Variants in DHRS3 observed in about 807,000 individuals in gnomAD.
DHRS3 encodes short-chain dehydrogenase/reductase 3.
In DHRS3, 14 loss-of-function variants were observed where a neutral mutation model predicts 27.2. The ratio of observed to expected loss-of-function variants is 0.52; its 90% confidence interval spans 0.34 to 0.81. The LOEUF (loss-of-function observed/expected upper bound fraction) is 0.81, where lower values mean the gene tolerates loss of function less well. Ranked by LOEUF, DHRS3 falls within the 30% of genes least tolerant of loss-of-function variation. The probability of loss-of-function intolerance (pLI) is 0.01; values close to 1 mark genes in which losing one functional copy is unlikely to be tolerated. For missense variants in DHRS3, 322 were observed against 406.2 expected (o/e 0.79, Z 1.78); for synonymous variants, 165 against 175.9 (o/e 0.94, Z 0.49).
At chr1:12,572,616 C>T (rs532743317) in intron 5 of DHRS3, 112 bp downstream of exon 5, 1 of 1,492,202 alleles carries the variant, frequency 6.7e-7, no homozygotes, top group South Asian at 1.2e-5. Context: ...AAGTACAGTA[C>T]ATCAGCAGCA....
At chr1:12,600,137 C>T (rs933403578) in intron 1 of DHRS3, among the ~76,000 whole-genome samples, 4 of 152,120 alleles carry the variant, frequency 2.6e-5, no homozygotes, top group Admixed American at 1.3e-4. Flanking sequence ...TGGTTGACTC[C>T]TGAACTCAAA....
chr1:12,594,330 G>A lies in DHRS3; in HGVS notation c.196-13664C>T, dbSNP rs1423352739. ...GGAATTGTGTGCACCAGGCACTTTG[G>A]AGGCCCTGGGATCCAGCGGGGAATA... On this transcript the variant is annotated intron_variant, in intron 1 of 5. Coordinates refer to ENST00000616661, the MANE Select transcript of DHRS3 (RefSeq NM_004753.7). The surrounding 1 kb of genome is among the most constrained non-coding windows in gnomAD (Gnocchi z 4.1). Among the ~76,000 whole-genome samples the A allele has an allele frequency of 2.0e-5, 3 of 152,246 alleles. No homozygotes were observed. The highest frequency in any genetic ancestry group is 7.2e-5 in the African/African-American group (3 of 41,452).
At chr1:12,610,536 T>A (rs1291888870) in intron 1 of DHRS3, among the ~76,000 whole-genome samples, 1 of 152,196 alleles carries the variant, frequency 6.6e-6, no homozygotes, top group Admixed American at 6.5e-5. Context: ...ATGTGCTGAA[T>A]GTATGAATAA....
chr1:12,602,576 G>A (rs1267710208), intron 1 of DHRS3, among the ~76,000 whole-genome samples: 2 of 152,212 alleles, frequency 1.3e-5, no homozygotes, highest in Non-Finnish European at 2.9e-5. Context: ...TGCAGAAGGA[G>A]AAGGGCTGGA....
rs539459044 is a variant in DHRS3 at position 12,580,308 on chromosome 1, A to G, written c.339+215T>C. The stretch of plus-strand genomic sequence containing the variant: ...GAAACCCACACGGTCTACATTTCCA[A>G]GGGAACAACAGATGATTACGCCTGT... On this transcript the variant is annotated intron_variant, in intron 2 of 5. Coordinates refer to ENST00000616661, the MANE Select transcript of DHRS3 (RefSeq NM_004753.7). 1.0e-3 allele frequency: 622 copies of G among 607,640 alleles called. 4 individuals are homozygous for G. The highest frequency in any genetic ancestry group is 4.6e-4 in the Non-Finnish European group (158 of 341,328). The allele number at this position is 607,640 out of a possible 1,614,324, so 37.6% of individuals were successfully genotyped here. A position where few individuals can be genotyped will look rare whatever the true frequency, so the allele number is the denominator to read the frequency against.
At position 12,578,883 on chromosome 1, in the gene DHRS3, G is replaced by A; in HGVS notation, c.533C>T (p.Ala178Val). The change falls in exon 4 of 6, where the codon GCA (alanine) becomes GTA (valine). Residue 178 changes from alanine (A) to valine (V), a missense_variant. Transcript: ENST00000616661. The surrounding 1 kb of genome is among the most constrained non-coding windows in gnomAD (Gnocchi z 4.5). ...GATGGCACCGGGGATGGCAGACAGT[G>A]CCAGCACGGAGTTGAGGCACACGAT... Reference protein sequence around the residue: ...GHIVCLNSVLALSAIPGAIDY... With the variant: ...GHIVCLNSVLVLSAIPGAIDY... 1 of 1,613,940 alleles carries A rather than the reference G, an allele frequency of 6.2e-7. No homozygotes were observed. The highest frequency in any genetic ancestry group is 8.5e-7 in the Non-Finnish European group (1 of 1,180,022).
intron 1 of DHRS3, among the ~76,000 whole-genome samples, chr1:12,612,200 G>A (rs979030154): frequency 6.6e-5 from 10 of 152,294 alleles, no homozygotes; most frequent in East Asian, 1.9e-4. Flanking sequence ...TGCACAGAGT[G>A]AGGATGGGAG....
In DHRS3 at chr1:12,594,423, C is replaced by T. The variant is rs1416952925; in HGVS notation, c.196-13757G>A. Among the ~76,000 whole-genome samples, 1 of 152,128 alleles carries T rather than the reference C, an allele frequency of 6.6e-6. No individual in the cohort carries two copies. Among genetic ancestry groups the T allele is most frequent in the Non-Finnish European group, 1.5e-5 (1 of 68,042 alleles). On this transcript the variant is annotated intron_variant, in intron 1 of 5. Transcript: ENST00000616661. The surrounding 1 kb of genome is among the most constrained non-coding windows in gnomAD (Gnocchi z 4.1). ...GACAATGAGCATGAACACTTGTTCA[C>T]GTGAACGAATGACTGTATAGTAAGT...
In DHRS3 at chr1:12,593,900, A is replaced by AGGC. The variant is rs1646766369; in HGVS notation, c.196-13235_196-13234insGCC. Reference sequence around the variant, plus strand: ...CCCACGGGCTGATGTTTCTTTTCACAAACATCCCCAGCCTACAAGACTGGC... The same window carrying AGGC: ...CCCACGGGCTGATGTTTCTTTTCACAGGCAACATCCCCAGCCTACAAGACTGGC... On this transcript the variant is annotated intron_variant, in intron 1 of 5. Coordinates refer to ENST00000616661, the MANE Select transcript of DHRS3 (RefSeq NM_004753.7). This position sits in a 1 kb window ranked among gnomAD's most constrained non-coding sequence, Gnocchi z 4.6. Among the ~76,000 whole-genome samples, 1 of 152,186 alleles carries AGGC rather than the reference A, an allele frequency of 6.6e-6. No individual in the cohort carries two copies. The highest frequency in any genetic ancestry group is 6.5e-5 in the Admixed American group (1 of 15,288).
intron 4 of DHRS3, among the ~76,000 whole-genome samples, chr1:12,576,761 G>A (rs1006910004): frequency 4.0e-5 from 6 of 151,170 alleles, no homozygotes; most frequent in African/African-American, 1.5e-4. Flanking sequence ...ATGCAAACCA[G>A]GTGGTCTGCT....
intron 1 of DHRS3, among the ~76,000 whole-genome samples, chr1:12,590,220 G>A (rs1436669816): frequency 1.3e-5 from 2 of 152,086 alleles, no homozygotes; most frequent in African/African-American, 4.8e-5. Context: ...GGTGCTGAGG[G>A]TGGGGTGGGG....
intron 4 of DHRS3, among the ~76,000 whole-genome samples, chr1:12,575,286 G>T (rs1368066024): frequency 6.6e-6 from 1 of 150,964 alleles, no homozygotes; most frequent in Non-Finnish European, 1.5e-5. Context: ...AAGATCACAT[G>T]ACTGCACTCT....
At chr1:12,568,706 G>A (rs925315951) in intron 5 of DHRS3, among the ~76,000 whole-genome samples, 22 of 151,980 alleles carry the variant, frequency 1.4e-4, no homozygotes, top group Admixed American at 3.9e-4. Context: ...TGGGCGGATC[G>A]CTTGAGCCCA....
Position 12,591,007 on chromosome 1 carries a change from G to A in DHRS3, c.196-10341C>T, listed in dbSNP as rs1454493306. On this transcript the variant is annotated intron_variant, in intron 1 of 5. Transcript: ENST00000616661. This position sits in a 1 kb window ranked among gnomAD's most constrained non-coding sequence, Gnocchi z 4.1. ...GTAAAAGGATGGGGACAGAGAGATC[G>A]TGCGATTCTGTGGTTTTGTCCCACT... Among the ~76,000 whole-genome samples, 6 of 152,306 alleles carry A rather than the reference G, an allele frequency of 3.9e-5. No individual in the cohort carries two copies. The East Asian group carries it at 9.6e-4, about 24-fold the overall frequency.
rs749634408 is a variant in DHRS3 at position 12,617,392 on chromosome 1, C to G, written c.-44G>C. On this transcript the variant is annotated 5_prime_UTR_variant, in exon 1 of 6. Transcript: ENST00000616661. ...GGGCAGGGGGCGAAACTCCCCGGGC[C>G]GAGCAATACAGGAATTAAAAAACAC... 4.5e-6 allele frequency: 7 copies of G among 1,570,588 alleles called. No homozygotes were observed. Among genetic ancestry groups the G allele is most frequent in the Non-Finnish European group, 6.1e-6 (7 of 1,153,358 alleles).
chr1:12,615,399 A>G, intron 1 of DHRS3, among the ~76,000 whole-genome samples: 1 of 152,186 alleles, frequency 6.6e-6, no homozygotes, highest in East Asian at 1.9e-4. Flanking sequence ...TCCCTGGAAG[A>G]GGACGTCCAG....
chr1:12,568,248 A>C lies in DHRS3; in HGVS notation c.*92T>G. The C allele has an allele frequency of 8.2e-7, 1 of 1,223,752 alleles. No homozygotes were observed. Among genetic ancestry groups the C allele is most frequent in the Non-Finnish European group, 1.2e-6 (1 of 831,304 alleles). 75.8% of individuals were successfully genotyped at this position (1,223,752 alleles called of 1,614,324 possible). A position where few individuals can be genotyped will look rare whatever the true frequency, so the allele number is the denominator to read the frequency against. On this transcript the variant is annotated 3_prime_UTR_variant, in exon 6 of 6. Transcript: ENST00000616661. ...ACAGGAGCTGTCCTGCTCACCCAGC[A>C]GAAGCATGCCAATGGACAGGTGCTC...
chr1:12,599,855 G>A (rs948067953), intron 1 of DHRS3, among the ~76,000 whole-genome samples: 1 of 152,212 alleles, frequency 6.6e-6, no homozygotes. Flanking sequence ...AGTATTTAAC[G>A]TCTCTGAGCC....
intron 1 of DHRS3, among the ~76,000 whole-genome samples, chr1:12,604,571 T>A (rs922270278): frequency 1.3e-5 from 2 of 152,222 alleles, no homozygotes; most frequent in African/African-American, 4.8e-5. Flanking sequence ...ACCCTCTGTG[T>A]ACTAAGCCCC....
Sources: gnomAD v4.1 joint callset for allele counts (sites outside exome capture counted in the v4.1 genomes callset) on GRCh38, gnomAD v4.1.1 for gene constraint, Gnocchi (gnomAD v3.1) non-coding constraint, MANE v1.5 for transcripts, NCBI Gene and HGNC (gene_info 2026-07-23, HGNC 2026-07-21) for gene names.